The following DNAH17 variants were observed in gnomAD, a reference collection of about 807,000 sequenced individuals.
DNAH17 encodes axonemal beta dynein heavy chain 17.
In DNAH17, 376 loss-of-function variants were observed where a neutral mutation model predicts 485.6. That is an observed-to-expected ratio of 0.77 (90% confidence interval 0.71 to 0.84). The LOEUF (loss-of-function observed/expected upper bound fraction) is 0.84, where lower values mean the gene tolerates loss of function less well. DNAH17 is among the 40% of genes least tolerant of loss of function. DNAH17 has a pLI of 0.00. For missense variants in DNAH17, 6,370 were observed against 5,839.3 expected, an observed-to-expected ratio of 1.09 and a Z score of -2.96; for synonymous variants, 3,031 against 2,405.9, an observed-to-expected ratio of 1.26 and a Z score of -7.60.
intron 30 of DNAH17, among the ~76,000 whole-genome samples, chr17:78,506,141 T>TC: frequency 3.4e-4 from 1 of 2,952 alleles, no homozygotes; most frequent in East Asian, 0.019. Context: ...ACCTAGTTAA[T>TC]TTTTTTTTTT....
intron 79 of DNAH17, 79 bp downstream of exon 79, chr17:78,426,378 T>C: frequency 6.9e-7 from 1 of 1,455,448 alleles, no homozygotes; most frequent in South Asian, 1.5e-5. Flanking sequence ...TCCTGCAGGC[T>C]CTAGGGTGTG....
At chr17:78,501,896 T>C in intron 33 of DNAH17, 23 bp from the exon 34 acceptor site, 1 of 1,613,564 alleles carries the variant, frequency 6.2e-7, no homozygotes, top group South Asian at 1.1e-5. Context: ...GTGCCTTCGA[T>C]GAGACACCAC....
Position 78,444,801 on chromosome 17 carries a change from G to A in DNAH17, c.11335-4C>T. ...ACTCATCCATCTCCGAGAGGGCCTA[G>A]GGGCAGAGGCAGCGGGCCCTGTGAC... On this transcript the variant is annotated splice_polypyrimidine_tract_variant and splice_region_variant and intron_variant, in intron 70 of 80. Coordinates refer to ENST00000389840, the MANE Select transcript of DNAH17 (RefSeq NM_173628.4). The A allele has an allele frequency of 2.6e-6, 4 of 1,560,548 alleles. No homozygotes were observed. The highest frequency in any genetic ancestry group is 3.5e-6 in the Non-Finnish European group (4 of 1,155,726).
At chr17:78,483,446 A>G (rs552608436) in intron 48 of DNAH17, among the ~76,000 whole-genome samples, 4 of 151,988 alleles carry the variant, frequency 2.6e-5, no homozygotes, top group South Asian at 2.1e-4. Flanking sequence ...CCTGGCCAAT[A>G]TAGTTAAGCC....
chr17:78,485,076 G>A, intron 47 of DNAH17, 43 bp from the exon 48 acceptor site: 2 of 1,555,618 alleles, frequency 1.3e-6, no homozygotes, highest in South Asian at 1.2e-5. Context: ...CGCCTCCTGA[G>A]CCAGAGCCTG....
chr17:78,450,682 C>T lies in DNAH17; in HGVS notation c.10899G>A (p.Lys3633=). ...TKHTASEIEE[K]VVEAKITEVK... is the part of the protein sequence containing the mutation. ...GGCACGTCACCGAGGCAGCTCTGAC[C>T]TTCTCCTCGATCTCGCTGGCTGTGT... is the stretch of plus-strand genomic sequence containing the variant. Residue 3633 remains lysine, a splice_region_variant and synonymous_variant, in exon 67 of 81, where the codon AAG becomes AAA. Coordinates refer to ENST00000389840, the MANE Select transcript of DNAH17 (RefSeq NM_173628.4). 5 of 1,611,964 alleles carry T rather than the reference C, an allele frequency of 3.1e-6. No individual in the cohort carries two copies. Among genetic ancestry groups the T allele is most frequent in the Non-Finnish European group, 4.2e-6 (5 of 1,179,122 alleles).
chr17:78,494,640 A>G lies in DNAH17; in HGVS notation c.6223T>C (p.Phe2075Leu), dbSNP rs773905578. 2.5e-6 allele frequency: 4 copies of G among 1,613,830 alleles called. No individual in the cohort carries two copies. Among genetic ancestry groups the G allele is most frequent in the East Asian group, 2.2e-5 (1 of 44,904 alleles). The change falls in exon 40 of 81, where the codon TTC becomes CTC. Residue 2075 changes from phenylalanine to leucine, a missense_variant. Coordinates refer to ENST00000389840, the MANE Select transcript of DNAH17 (RefSeq NM_173628.4). ...TTCCGAGGCACGTCCAGAGCCGGGA[A>G]GAGGTCCCCGATCAGTCCCATGAAT... ...PVFMGLIGDL[F>L]PALDVPRKRD...
At position 78,438,497 on chromosome 17, in the gene DNAH17, C is replaced by CT. The variant is rs1022048504; in HGVS notation, c.11805+592dup. On this transcript the variant is annotated intron_variant, in intron 73 of 80. Transcript: ENST00000389840. ...CTTTTGTCAACCCAGCACTTGTCAT[C>CT]TTTTTTTTTTATTTTTTTGAGATGG... is the stretch of plus-strand genomic sequence containing the variant. Among the ~76,000 whole-genome samples, 931 of 106,612 alleles carry CT rather than the reference C, an allele frequency of 8.7e-3. 13 individuals carry two copies. The highest frequency in any genetic ancestry group is 0.032 in the African/African-American group (851 of 26,902). The allele number at this position is 106,612 out of a possible 152,430, so 69.9% of individuals were successfully genotyped here. A position where few individuals can be genotyped will look rare whatever the true frequency, so the allele number is the denominator to read the frequency against.
intron 70 of DNAH17, among the ~76,000 whole-genome samples, chr17:78,445,084 C>A (rs1009512108): frequency 1.3e-5 from 2 of 152,160 alleles, no homozygotes; most frequent in Non-Finnish European, 2.9e-5. Context: ...TGGGGCCATT[C>A]TAGCTCAGGG....
At chr17:78,570,001 C>T (rs2143718808) in intron 7 of DNAH17, among the ~76,000 whole-genome samples, 1 of 152,306 alleles carries the variant, frequency 6.6e-6, no homozygotes, top group South Asian at 2.1e-4. Context: ...GGTACGGGGA[C>T]TCTCAGGGCA....
chr17:78,532,388 T>C, intron 20 of DNAH17, 94 bp downstream of exon 20: 1 of 1,465,048 alleles, frequency 6.8e-7, no homozygotes, highest in South Asian at 1.4e-5. Flanking sequence ...ACCTGCATCT[T>C]AAAACAATTC....
chr17:78,500,177 C>A, intron 36 of DNAH17, 128 bp downstream of exon 36: 1 of 1,073,544 alleles, frequency 9.3e-7, no homozygotes, highest in Non-Finnish European at 1.3e-6. Flanking sequence ...CCTGGCACCT[C>A]CTCTCCAGTG....
intron 76 of DNAH17, 135 bp downstream of exon 76, chr17:78,428,986 G>T: frequency 1.2e-6 from 1 of 854,664 alleles, no homozygotes; most frequent in Non-Finnish European, 1.8e-6. Flanking sequence ...CAAGTGAGAC[G>T]CATTTCTCAT....
At chr17:78,466,918 C>A in intron 55 of DNAH17, 102 bp from the exon 56 acceptor site, 1 of 1,294,226 alleles carries the variant, frequency 7.7e-7, no homozygotes. Flanking sequence ...CGCGCCCTGC[C>A]GGGCTCAGCC....
In DNAH17 at chr17:78,459,897, C is replaced by T; in HGVS notation, c.9540G>A (p.Lys3180=). The T allele has an allele frequency of 6.2e-7, 1 of 1,614,034 alleles. No individual in the cohort carries two copies. The highest frequency in any genetic ancestry group is 8.5e-7 in the Non-Finnish European group (1 of 1,179,898). The change falls in exon 60 of 81, where the codon AAG becomes AAA. Residue 3180 remains lysine (K), a synonymous_variant. Transcript: ENST00000389840. ...ILTAPGGKIP[K]DKSWKAAKIM... is the part of the protein sequence containing the mutation. ...TCTTGGCCGCCTTCCAGCTCTTGTC[C>T]TTGGGGATCTTGCCCCCAGGTGCGG...
intron 20 of DNAH17, 34 bp from the exon 21 acceptor site, chr17:78,530,546 C>A: frequency 2.5e-6 from 4 of 1,578,666 alleles, no homozygotes; most frequent in East Asian, 2.3e-5. Context: ...CCTGTCATAG[C>A]CTGCAAGCCT....
intron 75 of DNAH17, among the ~76,000 whole-genome samples, chr17:78,430,404 T>G (rs553936205): frequency 6.6e-6 from 1 of 152,194 alleles, no homozygotes; most frequent in South Asian, 2.1e-4. Context: ...ACCTGTTCTT[T>G]CCCTGAAGTT....
intron 26 of DNAH17, among the ~76,000 whole-genome samples, chr17:78,514,263 T>C (rs1296500133): frequency 1.3e-5 from 2 of 151,990 alleles, no homozygotes; most frequent in African/African-American, 4.8e-5. Context: ...TGCCAGCACT[T>C]TGGGAGGCTG....
At chr17:78,533,920 A>C (rs2091305813) in intron 19 of DNAH17, among the ~76,000 whole-genome samples, 1 of 152,204 alleles carries the variant, frequency 6.6e-6, no homozygotes, top group Non-Finnish European at 1.5e-5. Context: ...TCCTGACCTC[A>C]GGTGATCCAC....
Sources: gnomAD v4.1 joint callset for allele counts (sites outside exome capture counted in the v4.1 genomes callset) on GRCh38, gnomAD v4.1.1 for gene constraint, MANE v1.5 for transcripts, NCBI Gene and HGNC (gene_info 2026-07-23, HGNC 2026-07-21) for gene names.